Variants in KIF6 observed in about 807,000 individuals in gnomAD.
The protein encoded by KIF6 is kinesin-like protein KIF6.
A neutral mutation model predicts 112.7 loss-of-function variants in KIF6; 106 were observed. The ratio of observed to expected loss-of-function variants is 0.94; its 90% confidence interval spans 0.80 to 1.11. The LOEUF is 1.11. Ranked by LOEUF, KIF6 falls within the 50% of genes least tolerant of loss-of-function variation. KIF6 has a pLI of 0.00. For missense variants in KIF6, 929 were observed against 964.0 expected, an observed-to-expected ratio of 0.96 and a Z score of 0.48; for synonymous variants, 339 against 339.9, an observed-to-expected ratio of 1.00 and a Z score of 0.03.
In KIF6 at chr6:39,381,548, C is replaced by A. The variant is rs931034623; in HGVS notation, c.1861+4074G>T. Among the ~76,000 whole-genome samples the A allele has an allele frequency of 3.9e-5, 6 of 152,132 alleles. No individual in the cohort carries two copies. In the South Asian group the frequency reaches 1.2e-3, roughly 32 times the overall value. ...CGGAGCCCTCTGTCCTAGCCTTCAGCCCAACTGCTGGGCTGAAGGGCGAGA... is the reference window on the plus strand; with the variant it reads ...CGGAGCCCTCTGTCCTAGCCTTCAGACCAACTGCTGGGCTGAAGGGCGAGA... On this transcript the variant is annotated intron_variant, in intron 16 of 22. Transcript: ENST00000287152.
At chr6:39,599,331 GC>G (rs1561851297) in intron 6 of KIF6, among the ~76,000 whole-genome samples, 1 of 152,180 alleles carries the variant, frequency 6.6e-6, no homozygotes, top group Non-Finnish European at 1.5e-5. Context: ...GCACATGTGT[GC>G]AGACAGAGTA....
chr6:39,376,716 C>G (rs1030811633), intron 16 of KIF6, among the ~76,000 whole-genome samples: 1 of 152,178 alleles, frequency 6.6e-6, no homozygotes, highest in Non-Finnish European at 1.5e-5. Flanking sequence ...GAGGGATATG[C>G]AGAGTTCTGT....
intron 15 of KIF6, among the ~76,000 whole-genome samples, chr6:39,397,703 A>G (rs1768375944): frequency 6.6e-6 from 1 of 152,008 alleles, no homozygotes; most frequent in Non-Finnish European, 1.5e-5. Context: ...ACATAACCAA[A>G]TGAGAGGTTT....
intron 13 of KIF6, among the ~76,000 whole-genome samples, chr6:39,445,660 G>T (rs1215757561): frequency 6.6e-6 from 1 of 152,214 alleles, no homozygotes; most frequent in Non-Finnish European, 1.5e-5. Context: ...CTGGGAGAGA[G>T]CAGAGAAGCG....
chr6:39,620,750 TTTTATTTA>T (rs71543964), intron 5 of KIF6, among the ~76,000 whole-genome samples: 25 of 148,624 alleles, frequency 1.7e-4, no homozygotes, highest in African/African-American at 4.0e-4. Context: ...CTTAACAACA[TTTTATTTA>T]TTTATTTATT....
intron 3 of KIF6, among the ~76,000 whole-genome samples, chr6:39,710,587 A>T (rs1789490726): frequency 1.3e-5 from 2 of 152,146 alleles, no homozygotes; most frequent in Admixed American, 1.3e-4. Context: ...ATAATAGCAA[A>T]AATTAAAAAA....
intron 13 of KIF6, among the ~76,000 whole-genome samples, chr6:39,460,371 T>G (rs1773386466): frequency 3.1e-5 from 2 of 65,022 alleles, no homozygotes; most frequent in East Asian, 4.7e-4. Context: ...CCGGGGACTG[T>G]GGTGGGGTGG....
intron 7 of KIF6, 113 bp from the exon 8 acceptor site, chr6:39,586,517 C>T (rs1294947042): frequency 5.3e-5 from 41 of 780,222 alleles, no homozygotes; most frequent in South Asian, 5.2e-4. Flanking sequence ...ACTAAATGCA[C>T]GGTGAAGCCC....
intron 13 of KIF6, among the ~76,000 whole-genome samples, chr6:39,496,039 A>G (rs966175282): frequency 1.3e-5 from 2 of 152,146 alleles, no homozygotes; most frequent in African/African-American, 2.4e-5. Context: ...AAGTCTCCCT[A>G]TCCCAATCAT....
chr6:39,719,800 T>A (rs774431957), intron 2 of KIF6, among the ~76,000 whole-genome samples: 9 of 152,118 alleles, frequency 5.9e-5, no homozygotes, highest in Non-Finnish European at 7.4e-5. Flanking sequence ...ATTTAAAATT[T>A]TCTACTAGCC....
intron 22 of KIF6, among the ~76,000 whole-genome samples, chr6:39,338,172 A>T (rs945987013): frequency 2.6e-5 from 4 of 152,256 alleles, no homozygotes; most frequent in Admixed American, 1.3e-4. Flanking sequence ...TACAATGTTT[A>T]AAAAAATTTC....
At position 39,725,239 on chromosome 6, in the gene KIF6, C is replaced by A. The variant is rs1790474835; in HGVS notation, c.66+6G>T. On this transcript the variant is annotated splice_donor_region_variant and intron_variant, in intron 1 of 22. Coordinates refer to ENST00000287152, the MANE Select transcript of KIF6 (RefSeq NM_145027.6). Reference sequence around the variant, plus strand: ...GCGCCGGCGCCCCGGAGGCTCCAGCCCGTACCCCTTGTTGGTGCTTCCGGA... The same window carrying A: ...GCGCCGGCGCCCCGGAGGCTCCAGCACGTACCCCTTGTTGGTGCTTCCGGA... 1 of 1,608,758 alleles carries A rather than the reference C, an allele frequency of 6.2e-7. No homozygotes were observed. The highest frequency in any genetic ancestry group is 1.4e-5 in the African/African-American group (1 of 73,988).
intron 13 of KIF6, among the ~76,000 whole-genome samples, chr6:39,495,832 T>TG (rs1299169345): frequency 6.6e-6 from 1 of 151,994 alleles, no homozygotes; most frequent in Non-Finnish European, 1.5e-5. Context: ...AGCTTCCGGA[T>TG]GGGGGAGGGG....
intron 15 of KIF6, among the ~76,000 whole-genome samples, chr6:39,394,458 C>T (rs1459782620): frequency 7.9e-5 from 12 of 152,116 alleles, no homozygotes; most frequent in Admixed American, 5.2e-4. Context: ...GTTTCAGCAT[C>T]GGATTATTTG....
At chr6:39,653,211 G>A (rs1166583808) in intron 3 of KIF6, among the ~76,000 whole-genome samples, 1 of 152,042 alleles carries the variant, frequency 6.6e-6, no homozygotes, top group Non-Finnish European at 1.5e-5. Context: ...ACTTTCCTCT[G>A]GAGTACCTTG....
At chr6:39,349,346 C>T (rs1056386711) in intron 19 of KIF6, among the ~76,000 whole-genome samples, 3 of 152,002 alleles carry the variant, frequency 2.0e-5, no homozygotes, top group Non-Finnish European at 2.9e-5. Context: ...TCGGAGATGC[C>T]GGCGGATAAA....
chr6:39,428,089 C>T (rs933795980), intron 14 of KIF6, among the ~76,000 whole-genome samples: 2 of 152,174 alleles, frequency 1.3e-5, no homozygotes, highest in Non-Finnish European at 2.9e-5. Flanking sequence ...CTCATGGTTT[C>T]TGGACACTGT....
At chr6:39,663,829 G>A (rs1435340340) in intron 3 of KIF6, among the ~76,000 whole-genome samples, 1 of 151,990 alleles carries the variant, frequency 6.6e-6, no homozygotes, top group Non-Finnish European at 1.5e-5. Context: ...ATTTTATAAT[G>A]ACATCAAAAG....
intron 13 of KIF6, among the ~76,000 whole-genome samples, chr6:39,478,258 T>A (rs1454367204): frequency 6.6e-6 from 1 of 152,170 alleles, no homozygotes; most frequent in Non-Finnish European, 1.5e-5. Context: ...TGTATCCTCA[T>A]AGCTTAGCTC....
Sources: gnomAD v4.1 joint callset for allele counts (sites outside exome capture counted in the v4.1 genomes callset) on GRCh38, gnomAD v4.1.1 for gene constraint, MANE v1.5 for transcripts, NCBI Gene and HGNC (gene_info 2026-07-23, HGNC 2026-07-21) for gene names.